The following DNAH10 variants were observed in gnomAD, a reference collection of about 807,000 sequenced individuals.
DNAH10 encodes axonemal beta dynein heavy chain 10.
A neutral mutation model predicts 506.6 loss-of-function variants in DNAH10; 348 were observed. That is an observed-to-expected ratio of 0.69 (90% CI 0.63 to 0.75). The LOEUF (loss-of-function observed/expected upper bound fraction) is 0.75, where lower values mean the gene tolerates loss of function less well. DNAH10 is among the 30% of genes least tolerant of loss of function. DNAH10 has a pLI of 0.00. For synonymous variants in DNAH10, 2,059 were observed against 2,198.6 expected (o/e 0.94, Z 1.78); for missense variants, 5,179 against 5,787.1 (o/e 0.89, Z 3.41).
At chr12:123,795,591 C>T (rs1314813091) in intron 12 of DNAH10, among the ~76,000 whole-genome samples, 2 of 152,206 alleles carry the variant, frequency 1.3e-5, no homozygotes, top group East Asian at 1.9e-4. Flanking sequence ...TACATAGAAC[C>T]TCCCCAGAAA....
At chr12:123,793,407 C>T (rs1364768726) in intron 11 of DNAH10, among the ~76,000 whole-genome samples, 10 of 149,984 alleles carry the variant, frequency 6.7e-5, no homozygotes, top group African/African-American at 7.4e-5. Context: ...GGCGCCATCT[C>T]GGCTCACTAC....
At chr12:123,808,381 T>C (rs112823641) in intron 18 of DNAH10, among the ~76,000 whole-genome samples, 2 of 151,864 alleles carry the variant, frequency 1.3e-5, no homozygotes, top group African/African-American at 4.8e-5. Context: ...CTGGATGGGG[T>C]TGGGCCGGCA....
Position 123,867,980 on chromosome 12 carries a change from C to T in DNAH10, c.7380C>T (p.Phe2460=). ...IEDLDLLECY[F]LEALYCSLGA... ...ACCTTGACCTGCTGGAGTGCTACTT[C>T]CTGGAGGCTTTGTACTGCTCTCTGG... is the stretch of plus-strand genomic sequence containing the variant. Residue 2460 remains phenylalanine, a synonymous_variant, in exon 43 of 79, where the codon TTC becomes TTT. Coordinates refer to ENST00000673944, the MANE Select transcript of DNAH10 (RefSeq NM_001372106.1). The T allele has an allele frequency of 6.2e-7, 1 of 1,613,896 alleles. No homozygotes were observed. The highest frequency in any genetic ancestry group is 8.5e-7 in the Non-Finnish European group (1 of 1,179,868).
intron 10 of DNAH10, 76 bp from the exon 11 acceptor site, chr12:123,789,851 T>C (rs1958012166): frequency 2.9e-6 from 4 of 1,368,526 alleles, no homozygotes; most frequent in Non-Finnish European, 4.1e-6. Context: ...AGTCTCGATA[T>C]GCTATCCATT....
intron 40 of DNAH10, 47 bp from the exon 41 acceptor site, chr12:123,865,904 A>G (rs766350837): frequency 7.2e-6 from 11 of 1,527,200 alleles, no homozygotes; most frequent in Admixed American, 2.3e-5. Context: ...CATCTAGTTT[A>G]TCTTGTGTAT....
chr12:123,817,428 G>T (rs1428213873), intron 21 of DNAH10, among the ~76,000 whole-genome samples: 1 of 151,666 alleles, frequency 6.6e-6, no homozygotes, highest in Non-Finnish European at 1.5e-5. Context: ...TAAACTTTAA[G>T]TTCATTAATT....
rs1357716198 is a variant in DNAH10 at position 123,790,052 on chromosome 12, T to C, written c.1746T>C (p.Phe582=). The change falls in exon 11 of 79, where the codon TTT becomes TTC. Residue 582 remains phenylalanine, a synonymous_variant. Coordinates refer to ENST00000673944, the MANE Select transcript of DNAH10 (RefSeq NM_001372106.1). The part of the protein sequence containing the change: ...GLVTPMENLT[F]DPFSIKSSQF... ...TCACCCCCATGGAAAACCTGACCTTTGACCCCTTCAGCATCAAGTCCTCCC... is the reference window on the plus strand; with the variant it reads ...TCACCCCCATGGAAAACCTGACCTTCGACCCCTTCAGCATCAAGTCCTCCC... 1 of 1,614,062 alleles carries C rather than the reference T, an allele frequency of 6.2e-7. No homozygotes were observed. Among genetic ancestry groups the C allele is most frequent in the Non-Finnish European group, 8.5e-7 (1 of 1,180,024 alleles).
chr12:123,794,920 G>C (rs373860108), intron 12 of DNAH10, among the ~76,000 whole-genome samples: 2 of 151,538 alleles, frequency 1.3e-5, no homozygotes, highest in Non-Finnish European at 1.5e-5. Flanking sequence ...GGCCGAGGCA[G>C]GTGGATCACC....
Position 123,826,785 on chromosome 12 carries a change from A to G in DNAH10, c.4278A>G (p.Leu1426=), listed in dbSNP as rs775857137. 6.2e-7 allele frequency: 1 copy of G among 1,613,984 alleles called. No individual in the cohort carries two copies. Among genetic ancestry groups the G allele is most frequent in the Non-Finnish European group, 8.5e-7 (1 of 1,179,882 alleles). Residue 1426 remains leucine (L), a synonymous_variant, in exon 25 of 79, where the codon CTA becomes CTG. Transcript: ENST00000673944. ...GTTTTCTCAGGGCTCTCAGAAAGCT[A>G]CCTCGGCCAGTCCGTGGCTTATCAG... ...IEGFLRALRK[L]PRPVRGLSVT...
rs775037447 is a variant in DNAH10 at position 123,774,108 on chromosome 12, C to G, written c.506-41C>G. On this transcript the variant is annotated intron_variant, in intron 4 of 78. Coordinates refer to ENST00000673944, the MANE Select transcript of DNAH10 (RefSeq NM_001372106.1). Reference sequence around the variant, plus strand: ...TTGGAAATGTTAACTGTTGGCTGCTCTCTCCCACTGACCTTACATTCTACA... The same window carrying G: ...TTGGAAATGTTAACTGTTGGCTGCTGTCTCCCACTGACCTTACATTCTACA... 113 of 1,314,860 alleles carry G rather than the reference C, an allele frequency of 8.6e-5. No individual in the cohort carries two copies. In the South Asian group the frequency reaches 1.0e-3, roughly 12 times the overall value. The allele number at this position is 1,314,860 out of a possible 1,614,324, so 81.4% of individuals were successfully genotyped here.
At chr12:123,893,493 G>A in intron 53 of DNAH10, 57 bp downstream of exon 53, 10 of 1,597,160 alleles carry the variant, frequency 6.3e-6, no homozygotes, top group Non-Finnish European at 8.6e-6. Context: ...GTGTGTGGCT[G>A]AGGGTCTGTC....
intron 1 of DNAH10, among the ~76,000 whole-genome samples, chr12:123,765,974 CATCT>C (rs1245332519): frequency 1.3e-5 from 2 of 152,116 alleles, no homozygotes; most frequent in Admixed American, 6.5e-5. Flanking sequence ...ACTTACCTAT[CATCT>C]ATCTATCCAT....
Position 123,785,567 on chromosome 12 carries a change from G to T in DNAH10, c.1231-179G>T, listed in dbSNP as rs563124307. On this transcript the variant is annotated intron_variant, in intron 8 of 78. Transcript: ENST00000673944. This position sits in a 1 kb window ranked among gnomAD's most constrained non-coding sequence, Gnocchi z 4.1. ...GGGAGGATCACTTGAGTCCGCAGGG[G>T]AGTCGAGGCTGCAGTAAGCCATGTT... is the stretch of plus-strand genomic sequence containing the variant. 4.2e-4 allele frequency among the ~76,000 whole-genome samples: 64 copies of T among 151,732 alleles called. No individual in the cohort carries two copies. The highest frequency in any genetic ancestry group is 1.5e-3 in the African/African-American group (62 of 41,324).
intron 25 of DNAH10, among the ~76,000 whole-genome samples, chr12:123,827,794 CT>C (rs1960143307): frequency 6.6e-6 from 1 of 152,190 alleles, no homozygotes; most frequent in Non-Finnish European, 1.5e-5. Context: ...CCTGTTACAT[CT>C]GTCTCTCCCT....
At chr12:123,924,875 T>G (rs1057266284) in intron 67 of DNAH10, among the ~76,000 whole-genome samples, 175 bp from the exon 68 acceptor site, 10 of 152,232 alleles carry the variant, frequency 6.6e-5, no homozygotes, top group African/African-American at 1.9e-4. Flanking sequence ...AGTTGCTCCT[T>G]TCTCAATGTC....
intron 5 of DNAH10, among the ~76,000 whole-genome samples, chr12:123,774,687 T>C (rs572637065): frequency 6.6e-6 from 1 of 152,254 alleles, no homozygotes; most frequent in African/African-American, 2.4e-5. Context: ...CATAAATCGC[T>C]CATGCTATTG....
At chr12:123,781,810 A>G (rs1228832004) in intron 6 of DNAH10, among the ~76,000 whole-genome samples, 2 of 152,146 alleles carry the variant, frequency 1.3e-5, no homozygotes, top group African/African-American at 2.4e-5. Flanking sequence ...GTTTTCTAGT[A>G]GTCAACATCC....
At chr12:123,767,474 C>T in intron 1 of DNAH10, 132 bp from the exon 2 acceptor site, 1 of 784,786 alleles carries the variant, frequency 1.3e-6, no homozygotes. Flanking sequence ...TACTGCTGTA[C>T]CACTGTAACA....
intron 29 of DNAH10, 40 bp downstream of exon 29, chr12:123,838,729 T>C (rs1339508954): frequency 6.3e-7 from 1 of 1,575,562 alleles, no homozygotes; most frequent in Non-Finnish European, 8.7e-7. Flanking sequence ...CGTGTAAGCC[T>C]TAGAACCGCC....
Sources: allele counts gnomAD v4.1 joint callset (sites outside exome capture counted in the v4.1 genomes callset), GRCh38; gene constraint gnomAD v4.1.1; non-coding constraint Gnocchi (gnomAD v3.1); transcripts MANE v1.5; gene names NCBI Gene and HGNC (gene_info 2026-07-23, HGNC 2026-07-21).